The following KIAA1210 variants were observed in gnomAD, a reference collection of about 807,000 sequenced individuals.
The protein encoded by KIAA1210 is KIAA1210, also known as acrosomal protein KIAA1210.
KIAA1210 carries 48 observed loss-of-function variants against 78.9 expected under a neutral mutation model. The observed-to-expected ratio is 0.61, with a 90% CI of 0.48 to 0.77. The LOEUF (loss-of-function observed/expected upper bound fraction) is 0.77, where lower values mean the gene tolerates loss of function less well. Among genes scored for constraint, KIAA1210 ranks in the 30% least tolerant of loss-of-function variants. The pLI is 0.00. For missense variants in KIAA1210, 1,108 were observed against 1,100.0 expected, an observed-to-expected ratio of 1.01 and a Z score of -0.10; for synonymous variants, 406 against 404.5, an observed-to-expected ratio of 1.00 and a Z score of -0.04.
At chrX:119,148,261 T>A (rs935728570) in intron 1 of KIAA1210, among the ~76,000 whole-genome samples, 2 of 111,880 alleles carry the variant, frequency 1.8e-5, no homozygotes. Context: ...GGTCTACTAC[T>A]CAGATGACAA....
chrX:119,148,132 A>G (rs1469942945), intron 1 of KIAA1210, among the ~76,000 whole-genome samples: 1 of 110,910 alleles, frequency 9.0e-6, no homozygotes, highest in Non-Finnish European at 1.9e-5. Context: ...AGAGTGAGAG[A>G]CCCTGTTCAA....
At chrX:119,128,309 T>G (rs1376833482), upstream of KIAA1210, among the ~76,000 whole-genome samples, 3 of 111,395 alleles carry the variant, frequency 2.7e-5, no homozygotes, top group Non-Finnish European at 3.8e-5. Context: ...TGCATCAGCC[T>G]CCTGCTCCAA....
chrX:119,144,107 T>G (rs903902374), intron 2 of KIAA1210, among the ~76,000 whole-genome samples: 8 of 112,258 alleles, frequency 7.1e-5, no homozygotes, highest in Non-Finnish European at 1.5e-4. Flanking sequence ...TTGGACCACA[T>G]GACTTGCTCC....
At chrX:119,122,083 T>TTTTTTTC (rs1928484060) in intron 2 of KIAA1210, among the ~76,000 whole-genome samples, 1 of 96,652 alleles carries the variant, frequency 1.0e-5, no homozygotes, top group Non-Finnish European at 2.1e-5. Flanking sequence ...TTTTTTTTTT[T>TTTTTTTC]GAGATGGAGT....
intron 1 of KIAA1210, among the ~76,000 whole-genome samples, chrX:119,125,725 ATATATATATATTT>A (rs1251779007): frequency 1.5e-4 from 1 of 6,566 alleles, no homozygotes; most frequent in Non-Finnish European, 8.5e-4. Context: ...ATATATATAT[ATATATATATATTT>A]TTTTTTTTTT....
chrX:119,097,677 G>A (rs1015940149), intron 6 of KIAA1210, among the ~76,000 whole-genome samples: 7 of 112,144 alleles, frequency 6.2e-5, no homozygotes, highest in Admixed American at 5.7e-4. Flanking sequence ...ACCATTGTAT[G>A]TTGATGCAGT....
intron 2 of KIAA1210, among the ~76,000 whole-genome samples, 170 bp from the exon 3 acceptor site, chrX:119,116,834 C>T (rs1357151930): frequency 3.6e-5 from 4 of 111,493 alleles, no homozygotes; most frequent in South Asian, 3.8e-4. Context: ...TTTGATTAGT[C>T]GTCCCCTTAA....
At chrX:119,111,216 C>T (rs917266603) in intron 3 of KIAA1210, among the ~76,000 whole-genome samples, 16 of 111,687 alleles carry the variant, frequency 1.4e-4, no homozygotes, top group African/African-American at 5.2e-4. Flanking sequence ...ACATATGGTG[C>T]TGGAGCAACT....
In KIAA1210 at chrX:119,086,887, G is replaced by T; in HGVS notation, c.3815C>A (p.Ser1272Tyr). The T allele has an allele frequency of 8.3e-7, 1 of 1,211,347 alleles. No individual in the cohort carries two copies. The highest frequency in any genetic ancestry group is 1.7e-5 in the African/African-American group (1 of 57,790). The change falls in exon 9 of 12, where the codon TCT (serine) becomes TAT (tyrosine). Residue 1272 changes from serine to tyrosine, a missense_variant. Physicochemically the swap from Ser to Tyr is moderately radical, Grantham distance 144. This residue lies in a region of KIAA1210 where 245 missense variants were observed against 278.8 expected (regional missense o/e 0.88). Coordinates refer to ENST00000691062, the MANE Select transcript of KIAA1210 (RefSeq NM_001394962.1). Reference sequence around the variant, plus strand: ...ACCACTCTCAAGATCTTCTTTCTTAGAGTAAATGCCCCCAGAAGTGGATGT... The same window carrying T: ...ACCACTCTCAAGATCTTCTTTCTTATAGTAAATGCCCCCAGAAGTGGATGT... ...RQTSTSGGIY[S>Y]KKEDLESGDG...
chrX:119,088,442 T>C lies in KIAA1210; in HGVS notation c.2260A>G (p.Ser754Gly), dbSNP rs1408340687. Reference protein sequence around the residue: ...NPTVQQQVPTSSVGTSIKQSD... With the variant: ...NPTVQQQVPTGSVGTSIKQSD... ...TGTTTTATAGAAGTGCCCACTGAACTGGTGGGGACTTGTTGCTGAACAGTA... is the reference window on the plus strand; with the variant it reads ...TGTTTTATAGAAGTGCCCACTGAACCGGTGGGGACTTGTTGCTGAACAGTA... Residue 754 changes from serine (S) to glycine (G), a missense_variant, in exon 9 of 12, where the codon AGT becomes GGT. This residue lies in a region of KIAA1210 where 672 missense variants were observed against 607.1 expected (regional missense o/e 1.11). Coordinates refer to ENST00000691062, the MANE Select transcript of KIAA1210 (RefSeq NM_001394962.1). The C allele has an allele frequency of 8.3e-7, 1 of 1,210,253 alleles. No homozygotes were observed. Among genetic ancestry groups the C allele is most frequent in the Admixed American group, 2.2e-5 (1 of 46,022 alleles).
chrX:119,100,652 A>G (rs1472163065), intron 6 of KIAA1210, among the ~76,000 whole-genome samples: 1 of 111,638 alleles, frequency 9.0e-6, no homozygotes, highest in Non-Finnish European at 1.9e-5. Context: ...CTGAGCTTTT[A>G]TTTTTACTGT....
At chrX:119,096,362 C>G in intron 7 of KIAA1210, 132 bp downstream of exon 7, 1 of 576,364 alleles carries the variant, frequency 1.7e-6, no homozygotes, top group African/African-American at 2.3e-5. Flanking sequence ...AGGACAGCAC[C>G]CTTGACCTTG....
Position 119,096,701 on chromosome X carries a change from G to T in KIAA1210, c.649-10C>A. 1 of 1,178,049 alleles carries T rather than the reference G, an allele frequency of 8.5e-7. No individual in the cohort carries two copies. Among genetic ancestry groups the T allele is most frequent in the East Asian group, 3.0e-5 (1 of 33,163 alleles). ...ATAACTCAGAGAAGCTCTGGGGAAG[G>T]TGGGAGAAAATAGACGAGTCAACCC... On this transcript the variant is annotated splice_polypyrimidine_tract_variant and intron_variant, in intron 6 of 11. Transcript: ENST00000691062.
chrX:119,123,481 C>A, intron 2 of KIAA1210, 101 bp downstream of exon 2: 1 of 594,177 alleles, frequency 1.7e-6, no homozygotes, highest in Non-Finnish European at 2.6e-6. Context: ...GTCTAATGAT[C>A]TGAACTTGTT....
At chrX:119,149,761 A>T (rs978397833) in intron 1 of KIAA1210, among the ~76,000 whole-genome samples, 2 of 111,902 alleles carry the variant, frequency 1.8e-5, no homozygotes, top group Non-Finnish European at 3.8e-5. Context: ...TAACTGGGAG[A>T]CTGCATATTG....
chrX:119,113,661 A>C (rs1313938658), intron 3 of KIAA1210, among the ~76,000 whole-genome samples: 1 of 112,174 alleles, frequency 8.9e-6, no homozygotes, highest in African/African-American at 3.2e-5. Flanking sequence ...TAGTATGTGA[A>C]TTATATTTCA....
chrX:119,150,396 T>G, exon 1 of KIAA1210: 1 of 1,211,309 alleles, frequency 8.3e-7, no homozygotes, highest in Non-Finnish European at 1.1e-6. Flanking sequence ...TCCCCCTTGG[T>G]GCTTCCCTCC....
At position 119,088,297 on chromosome X, in the gene KIAA1210, A is replaced by T. The variant is rs753361625; in HGVS notation, c.2405T>A (p.Met802Lys). ...AAGAAGTTTAGGAGGCAGAGGCTTC[A>T]TAGAAATGCTCTCTTCAACAGCCAT... ...KSMAVEESIS[M>K]KPLPPKLLCQ... The change falls in exon 9 of 12, where the codon ATG becomes AAG. Residue 802 changes from methionine to lysine, a missense_variant. This residue lies in a region of KIAA1210 where 672 missense variants were observed against 607.1 expected (regional missense o/e 1.11). Transcript: ENST00000691062. 2 of 1,209,684 alleles carry T rather than the reference A, an allele frequency of 1.7e-6. No homozygotes were observed. Among genetic ancestry groups the T allele is most frequent in the African/African-American group, 3.5e-5 (2 of 57,097 alleles).
rs749135803 is a variant in KIAA1210 at position 119,087,519 on chromosome X, T to C, written c.3183A>G (p.Gln1061=). Residue 1061 remains glutamine, a synonymous_variant, in exon 9 of 12, where the codon CAA becomes CAG. Transcript: ENST00000691062. The part of the protein sequence containing the change: ...KSLSKPEVKH[Q]VFSDSGSANP... ...TAGCACTCCCTGAATCTGAGAAAAC[T>C]TGGTGCTTGACTTCAGGCTTTGATA... 3.5e-5 allele frequency: 42 copies of C among 1,209,324 alleles called. No homozygotes were observed. The highest frequency in any genetic ancestry group is 3.3e-4 in the Admixed American group (15 of 45,720).
Sources: gnomAD v4.1 joint callset for allele counts (sites outside exome capture counted in the v4.1 genomes callset) on GRCh38, gnomAD v4.1.1 for gene constraint, gnomAD v4.1.1 regional missense constraint, MANE v1.5 for transcripts, NCBI Gene and HGNC (gene_info 2026-07-23, HGNC 2026-07-21) for gene names.